Variants in PSMD14 observed in about 807,000 individuals in gnomAD.
The protein encoded by PSMD14 is ubiquitin C-terminal hydrolase PSMD14.
PSMD14 carries 7 observed loss-of-function variants against 41.2 expected under a neutral mutation model. That is an observed-to-expected ratio of 0.17 (90% CI 0.10 to 0.32). The LOEUF is 0.32. PSMD14 is among the 10% of genes least tolerant of loss of function. PSMD14 has a pLI of 1.00. For missense variants in PSMD14, 139 were observed against 375.6 expected (o/e 0.37, Z 5.21); for synonymous variants, 114 against 122.3 (o/e 0.93, Z 0.45).
intron 7 of PSMD14, chr2:161,384,539 A>G (rs1425266486): frequency 4.0e-5 from 1 of 25,096 alleles, no homozygotes; most frequent in Non-Finnish European, 7.2e-5. Flanking sequence ...AAGGCAAAAT[A>G]TAGAAATACT....
At chr2:161,312,613 C>T (rs62197075) in intron 1 of PSMD14, among the ~76,000 whole-genome samples, 1 of 152,012 alleles carries the variant, frequency 6.6e-6, no homozygotes, top group Non-Finnish European at 1.5e-5. Context: ...GTATGTATGA[C>T]ATTATGTTAG....
At chr2:161,379,650 C>G (rs995506646) in intron 7 of PSMD14, among the ~76,000 whole-genome samples, 2 of 152,014 alleles carry the variant, frequency 1.3e-5, no homozygotes, top group African/African-American at 4.8e-5. Flanking sequence ...TTCTGTGGAT[C>G]AGATGCCAAA....
chr2:161,340,951 G>A (rs1682946495), intron 3 of PSMD14: 20 of 1,613,280 alleles, frequency 1.2e-5, no homozygotes, highest in Non-Finnish European at 1.7e-5. Flanking sequence ...TCCGATGATG[G>A]CCCCTTCTCA....
chr2:161,371,337 A>T lies in PSMD14; in HGVS notation c.462+15A>T. On this transcript the variant is annotated intron_variant, in intron 7 of 11. Coordinates refer to ENST00000409682, the MANE Select transcript of PSMD14 (RefSeq NM_005805.6). The stretch of plus-strand genomic sequence containing the variant: ...TAAAAGGAAAGGTAGAGTAGATTCT[A>T]TCTTTATTGCCATCTACTGCCACAT... 6.3e-7 allele frequency: 1 copy of T among 1,598,758 alleles called. No homozygotes were observed. The highest frequency in any genetic ancestry group is 8.5e-7 in the Non-Finnish European group (1 of 1,171,326).
chr2:161,341,699 C>T (rs1305454000), intron 3 of PSMD14, among the ~76,000 whole-genome samples: 2 of 151,318 alleles, frequency 1.3e-5, no homozygotes, highest in African/African-American at 4.9e-5. Context: ...ATGAGCCGGG[C>T]GTGGTGGCAT....
chr2:161,344,074 A>G (rs917157990), intron 3 of PSMD14, among the ~76,000 whole-genome samples: 2 of 147,018 alleles, frequency 1.4e-5, no homozygotes, highest in Non-Finnish European at 3.0e-5. Flanking sequence ...GGCATTGGTT[A>G]TATGCAAATA....
At chr2:161,376,470 T>C (rs756625304) in intron 7 of PSMD14, among the ~76,000 whole-genome samples, 1 of 151,954 alleles carries the variant, frequency 6.6e-6, no homozygotes, top group Non-Finnish European at 1.5e-5. Context: ...TCTGCAAGTT[T>C]TGATAAGAAC....
intron 11 of PSMD14, among the ~76,000 whole-genome samples, chr2:161,410,974 A>T (rs889483069): frequency 4.6e-5 from 7 of 152,132 alleles, no homozygotes; most frequent in Non-Finnish European, 1.0e-4. Context: ...TCAGACAGGT[A>T]TACATATATA....
chr2:161,332,152 T>A (rs981672133), intron 3 of PSMD14, among the ~76,000 whole-genome samples: 4 of 152,224 alleles, frequency 2.6e-5, no homozygotes, highest in South Asian at 2.1e-4. Flanking sequence ...GGATTTTCTT[T>A]ATCCTGACAT....
rs1030049259 is a variant in PSMD14, at chr2:161,354,694, A to G, written c.49-12784A>G. The stretch of plus-strand genomic sequence containing the variant: ...GTATATATATTTATGAAGTATACAC[A>G]CACATTTTTTAAATAGGTGAAAATT... On this transcript the variant is annotated intron_variant, in intron 3 of 11. Coordinates refer to ENST00000409682, the MANE Select transcript of PSMD14 (RefSeq NM_005805.6). 3.9e-5 allele frequency among the ~76,000 whole-genome samples: 6 copies of G among 152,210 alleles called. 1 individual carries two copies. The highest frequency in any genetic ancestry group is 1.4e-4 in the African/African-American group (6 of 41,438).
intron 10 of PSMD14, among the ~76,000 whole-genome samples, chr2:161,401,320 G>T (rs1210683636): frequency 1.3e-5 from 2 of 152,220 alleles, no homozygotes; most frequent in Non-Finnish European, 2.9e-5. Context: ...TAAGTTTGAG[G>T]AGAGTCAAAG....
At chr2:161,314,355 C>A (rs952186551) in intron 1 of PSMD14, among the ~76,000 whole-genome samples, 5 of 152,138 alleles carry the variant, frequency 3.3e-5, no homozygotes, top group African/African-American at 1.2e-4. Flanking sequence ...ATATATTGTT[C>A]ACTCATTGAC....
intron 10 of PSMD14, among the ~76,000 whole-genome samples, chr2:161,403,978 T>A (rs1683916326): frequency 6.6e-6 from 1 of 152,014 alleles, no homozygotes; most frequent in African/African-American, 2.4e-5. Context: ...CTATCATAGC[T>A]CACTGCAGTC....
At chr2:161,383,995 GA>G (rs1318680591) in intron 7 of PSMD14, 1 of 151,278 alleles carries the variant, frequency 6.6e-6, no homozygotes, top group Non-Finnish European at 1.5e-5. Context: ...AATATGTTTA[GA>G]AAAAAATTTT....
intron 7 of PSMD14, chr2:161,382,360 T>C (rs1485744282): frequency 6.6e-6 from 1 of 151,820 alleles, no homozygotes; most frequent in Non-Finnish European, 1.5e-5. Flanking sequence ...TAGGCAGCAT[T>C]ATATGAACAA....
rs1248220849 is a variant in PSMD14 at position 161,408,912 on chromosome 2, G to C, written c.834+13G>C. The C allele has an allele frequency of 8.2e-6, 13 of 1,581,326 alleles. No individual in the cohort carries two copies. Among genetic ancestry groups the C allele is most frequent in the Non-Finnish European group, 1.1e-5 (13 of 1,153,708 alleles). On this transcript the variant is annotated intron_variant, in intron 11 of 11. Transcript: ENST00000409682. ...TGTTGGCAAGCAGGTGAGGTGTACTGTTAATAAGTTATGCAGTTGCATAAT... is the reference window on the plus strand; with the variant it reads ...TGTTGGCAAGCAGGTGAGGTGTACTCTTAATAAGTTATGCAGTTGCATAAT...
intron 9 of PSMD14, 89 bp from the exon 10 acceptor site, chr2:161,394,989 T>TG: frequency 5.6e-6 from 3 of 531,144 alleles, no homozygotes; most frequent in Non-Finnish European, 8.2e-6. Flanking sequence ...AGTCGAAATG[T>TG]TTTTTTTTTT....
chr2:161,408,915 A>T lies in PSMD14; in HGVS notation c.834+16A>T. ...TGGCAAGCAGGTGAGGTGTACTGTT[A>T]ATAAGTTATGCAGTTGCATAATAAC... is the stretch of plus-strand genomic sequence containing the variant. On this transcript the variant is annotated intron_variant, in intron 11 of 11. Transcript: ENST00000409682. The T allele has an allele frequency of 6.3e-7, 1 of 1,581,164 alleles. No homozygotes were observed. The highest frequency in any genetic ancestry group is 8.7e-7 in the Non-Finnish European group (1 of 1,153,486).
intron 1 of PSMD14, among the ~76,000 whole-genome samples, chr2:161,315,841 C>CTTTTTTTTTTTTTTTTTTTTTTTTTATT (rs34015300): frequency 1.0e-5 from 1 of 96,790 alleles, no homozygotes; most frequent in African/African-American, 4.1e-5. Flanking sequence ...TTATTTTATT[C>CTTTTTTTTTTTTTTTTTTTTTTTTTATT]TTTTTTTTTT....
Sources: allele counts gnomAD v4.1 joint callset (sites outside exome capture counted in the v4.1 genomes callset), GRCh38; gene constraint gnomAD v4.1.1; transcripts MANE v1.5; gene names NCBI Gene and HGNC (gene_info 2026-07-23, HGNC 2026-07-21).